The following C1QTNF3 variants were observed in gnomAD, a reference collection of about 807,000 sequenced individuals.
C1QTNF3 encodes complement C1q tumor necrosis factor-related protein 3.
A neutral mutation model predicts 32.6 loss-of-function variants in C1QTNF3; 26 were observed. The ratio of observed to expected loss-of-function variants is 0.80; its 90% CI spans 0.58 to 1.11. The LOEUF is 1.11. Ranked by LOEUF, C1QTNF3 falls within the 50% of genes least tolerant of loss-of-function variation. The pLI is 0.00. For missense variants in C1QTNF3, 362 were observed against 398.2 expected (o/e 0.91, Z 0.77); for synonymous variants, 155 against 146.0 (o/e 1.06, Z -0.44).
At chr5:34,066,797 C>T in the C1QTNF3 span, among the ~76,000 whole-genome samples, 1 of 152,188 alleles carries the variant, frequency 6.6e-6, no homozygotes, top group South Asian at 2.1e-4. Flanking sequence ...TAAAATTTGG[C>T]TCTTTCTTAC....
the C1QTNF3 span, among the ~76,000 whole-genome samples, chr5:34,063,254 CTT>C: frequency 6.7e-6 from 1 of 148,484 alleles, no homozygotes; most frequent in East Asian, 1.9e-4. Context: ...CTTTCTCTCT[CTT>C]TCTTTGACTT....
chr5:34,048,289 TGAGA>T, the C1QTNF3 span, among the ~76,000 whole-genome samples: 1,566 of 141,150 alleles, frequency 0.011, 18 homozygotes, highest in South Asian at 0.057. Context: ...TGTGTGTGCA[TGAGA>T]GAGAGAGAGA....
the C1QTNF3 span, among the ~76,000 whole-genome samples, chr5:34,056,006 C>T: frequency 6.6e-6 from 1 of 152,164 alleles, no homozygotes; most frequent in Non-Finnish European, 1.5e-5. Flanking sequence ...AGATGCATCA[C>T]CTACCCTAGT....
the C1QTNF3 span, among the ~76,000 whole-genome samples, chr5:34,101,284 G>GT: frequency 6.7e-6 from 1 of 149,158 alleles, no homozygotes; most frequent in East Asian, 2.0e-4. Context: ...GAGTCAGATT[G>GT]CTTGGGTTAA....
the C1QTNF3 span, among the ~76,000 whole-genome samples, chr5:34,102,704 A>T: frequency 6.6e-6 from 1 of 152,270 alleles, no homozygotes; most frequent in East Asian, 1.9e-4. Context: ...AGGGACATGG[A>T]TGAAGCTGGA....
the C1QTNF3 span, among the ~76,000 whole-genome samples, chr5:34,086,075 G>A: frequency 6.7e-6 from 1 of 149,550 alleles, no homozygotes; most frequent in African/African-American, 2.5e-5. Context: ...TAAAGAAAAT[G>A]TGGCACATAT....
the C1QTNF3 span, among the ~76,000 whole-genome samples, chr5:34,059,316 G>A: frequency 6.6e-6 from 1 of 152,156 alleles, no homozygotes; most frequent in Non-Finnish European, 1.5e-5. Context: ...AAGGCTACCA[G>A]TTGGATTGGA....
the C1QTNF3 span, among the ~76,000 whole-genome samples, chr5:34,178,155 C>G: frequency 6.7e-6 from 1 of 148,496 alleles, no homozygotes; most frequent in East Asian, 2.0e-4. Context: ...GTGGTGCATG[C>G]CTGTAATCCA....
At chr5:34,147,636 T>C in the C1QTNF3 span, among the ~76,000 whole-genome samples, 3 of 151,310 alleles carry the variant, frequency 2.0e-5, no homozygotes, top group South Asian at 2.1e-4. Context: ...GGCATAAACA[T>C]GGGAAAAAGA....
At chr5:34,242,797 GA>G in the C1QTNF3 span, among the ~76,000 whole-genome samples, 1 of 151,862 alleles carries the variant, frequency 6.6e-6, no homozygotes, top group Non-Finnish European at 1.5e-5. Flanking sequence ...CCATAAGGAA[GA>G]AAAAATGACA....
chr5:34,129,213 G>A, the C1QTNF3 span, among the ~76,000 whole-genome samples: 75 of 152,192 alleles, frequency 4.9e-4, no homozygotes, highest in Non-Finnish European at 8.5e-4. Flanking sequence ...CCAGCCTCAG[G>A]AACTGTGTGT....
the C1QTNF3 span, among the ~76,000 whole-genome samples, chr5:34,119,821 T>C: frequency 6.6e-6 from 1 of 152,194 alleles, no homozygotes; most frequent in Non-Finnish European, 1.5e-5. Context: ...TTAGGGATCC[T>C]TGTGATACAT....
At chr5:34,236,743 T>C in the C1QTNF3 span, among the ~76,000 whole-genome samples, 1 of 151,586 alleles carries the variant, frequency 6.6e-6, no homozygotes, top group South Asian at 2.1e-4. Context: ...CCCAGCCAAT[T>C]TTTTGTGTTT....
At chr5:34,046,313 T>C (rs187179517), upstream of C1QTNF3, among the ~76,000 whole-genome samples, 4 of 152,346 alleles carry the variant, frequency 2.6e-5, no homozygotes, top group Admixed American at 2.6e-4. Context: ...GCTCAAACTC[T>C]TTAAAACTGT....
rs539750320 is a variant in C1QTNF3 at position 34,038,957 on chromosome 5, T to G, written c.304-3199A>C. Among the ~76,000 whole-genome samples the G allele has an allele frequency of 7.2e-5, 11 of 152,292 alleles. No individual in the cohort carries two copies. In the South Asian group the frequency reaches 1.5e-3, roughly 20 times the overall value. On this transcript the variant is annotated intron_variant, in intron 1 of 5. Transcript: ENST00000382065. ...TGCAGCCAGTGCCGGGTAAAGGCAGTCTTCCTAAAGATAGCAAAAACCTGA... is the reference window on the plus strand; with the variant it reads ...TGCAGCCAGTGCCGGGTAAAGGCAGGCTTCCTAAAGATAGCAAAAACCTGA...
In C1QTNF3 at chr5:34,042,872, G is replaced by A. The variant is rs531769358; in HGVS notation, c.254C>T (p.Pro85Leu). ...DLKSLRPDEL[P>L]HPEVDDLAQI... ...GGCTAGGTCATCTACCTCGGGGTGCGGTAGCTCATCTGGTCTCAGGGATTT... is the reference window on the plus strand; with the variant it reads ...GGCTAGGTCATCTACCTCGGGGTGCAGTAGCTCATCTGGTCTCAGGGATTT... The change falls in exon 1 of 6, where the codon CCG (proline) becomes CTG (leucine). Residue 85 changes from proline (P) to leucine (L), a missense_variant. Pro to Leu is a moderately conservative substitution (Grantham distance 98). Coordinates refer to ENST00000382065, the MANE Select transcript of C1QTNF3 (RefSeq NM_181435.6). 2.6e-5 allele frequency: 42 copies of A among 1,614,082 alleles called. No individual in the cohort carries two copies. The highest frequency in any genetic ancestry group is 1.7e-4 in the Middle Eastern group (1 of 6,058).
the C1QTNF3 span, among the ~76,000 whole-genome samples, chr5:34,241,036 T>C: frequency 6.6e-6 from 1 of 151,726 alleles, no homozygotes; most frequent in Non-Finnish European, 1.5e-5. Context: ...ATCATCTCAA[T>C]GGATGCCGGA....
chr5:34,230,350 T>C, the C1QTNF3 span, among the ~76,000 whole-genome samples: 1 of 152,098 alleles, frequency 6.6e-6, no homozygotes, highest in Non-Finnish European at 1.5e-5. Flanking sequence ...TTTATGTTGT[T>C]TTAAACTACT....
the C1QTNF3 span, among the ~76,000 whole-genome samples, chr5:34,125,206 C>T: frequency 1.3e-5 from 2 of 152,200 alleles, no homozygotes; most frequent in South Asian, 2.1e-4. Flanking sequence ...ATGTTGTATA[C>T]GTAACCTCCA....
Sources: gnomAD v4.1 joint callset for allele counts (sites outside exome capture counted in the v4.1 genomes callset) on GRCh38, gnomAD v4.1.1 for gene constraint, MANE v1.5 for transcripts, NCBI Gene and HGNC (gene_info 2026-07-23, HGNC 2026-07-21) for gene names.